The following LRP1B variants were observed in gnomAD, a reference collection of about 807,000 sequenced individuals.
The protein encoded by LRP1B is LDL receptor related protein 1B.
In LRP1B, 217 loss-of-function variants were observed where a neutral mutation model predicts 556.6. The observed-to-expected ratio is 0.39, with a 90% CI of 0.35 to 0.44. LRP1B has a LOEUF of 0.44. Ranked by LOEUF, LRP1B falls within the 20% of genes least tolerant of loss-of-function variation. The probability of loss-of-function intolerance (pLI) is 1.00; values close to 1 mark genes in which losing one functional copy is unlikely to be tolerated. For synonymous variants in LRP1B, 2,047 were observed against 1,865.8 expected (o/e 1.10, Z -2.50); for missense variants, 5,053 against 5,620.8 (o/e 0.90, Z 3.23).
intron 3 of LRP1B, among the ~76,000 whole-genome samples, chr2:141,338,475 C>CA (rs1687931385): frequency 6.6e-6 from 1 of 152,112 alleles, no homozygotes; most frequent in Non-Finnish European, 1.5e-5. Flanking sequence ...AAAAAGTGGT[C>CA]AACTACAAAC....
chr2:141,101,064 G>A (rs1377879487), intron 7 of LRP1B, among the ~76,000 whole-genome samples: 1 of 152,118 alleles, frequency 6.6e-6, no homozygotes, highest in Non-Finnish European at 1.5e-5. Context: ...ATGAGACGAA[G>A]CAATGATGTT....
intron 7 of LRP1B, among the ~76,000 whole-genome samples, chr2:141,078,167 A>G (rs929207051): frequency 6.6e-6 from 1 of 152,176 alleles, no homozygotes; most frequent in Non-Finnish European, 1.5e-5. Flanking sequence ...TCTACTGTCA[A>G]TAAGTGTATT....
Position 141,434,917 on chromosome 2 carries a change from C to T in LRP1B, c.343+45479G>A, listed in dbSNP as rs546482276. On this transcript the variant is annotated intron_variant, in intron 3 of 90. Coordinates refer to ENST00000389484, the MANE Select transcript of LRP1B (RefSeq NM_018557.3). ...CCTTTAGGTCATCCCTGGGCCAGCA[C>T]AAACCACTTATTTGTCCAATGTTGT... Among the ~76,000 whole-genome samples, 34 of 152,304 alleles carry T rather than the reference C, an allele frequency of 2.2e-4. No individual in the cohort carries two copies. In the South Asian group the frequency reaches 7.0e-3, roughly 32 times the overall value.
At chr2:142,115,507 T>TA (rs1559079413) in intron 1 of LRP1B, among the ~76,000 whole-genome samples, 1 of 88,138 alleles carries the variant, frequency 1.1e-5, no homozygotes, top group Non-Finnish European at 2.2e-5. Context: ...ATAATATATA[T>TA]TATATATTAC....
chr2:140,787,118 T>C (rs965863852), intron 32 of LRP1B, among the ~76,000 whole-genome samples: 1 of 152,232 alleles, frequency 6.6e-6, no homozygotes, highest in African/African-American at 2.4e-5. Flanking sequence ...ATTTAATACA[T>C]TTATATTAAA....
At chr2:140,492,539 G>A (rs1688746041) in intron 57 of LRP1B, 69 bp downstream of exon 57, 1 of 970,582 alleles carries the variant, frequency 1.0e-6, no homozygotes, top group East Asian at 2.5e-5. Flanking sequence ...TTGCCAGGTA[G>A]TTCTACAGCT....
intron 43 of LRP1B, among the ~76,000 whole-genome samples, chr2:140,570,280 A>G (rs2105103670): frequency 6.6e-6 from 1 of 151,528 alleles, no homozygotes; most frequent in South Asian, 2.1e-4. Context: ...TTGACAAACC[A>G]TTATCTAGGG....
At chr2:142,096,724 T>C (rs1706383485) in intron 1 of LRP1B, among the ~76,000 whole-genome samples, 1 of 151,686 alleles carries the variant, frequency 6.6e-6, no homozygotes, top group Non-Finnish European at 1.5e-5. Flanking sequence ...ATTTTATTTA[T>C]TTATTAAACT....
rs59469282 is a variant in LRP1B at position 140,872,360 on chromosome 2, AT to A, written c.4170-4098del. On this transcript the variant is annotated intron_variant, in intron 25 of 90. Transcript: ENST00000389484. ...GCTTGCTTTTGTATTGTGTCACCTG[AT>A]TTTTTTTTTTTTTTTTTTTTTTTTT... is the stretch of plus-strand genomic sequence containing the variant. Among the ~76,000 whole-genome samples, 136 of 60,476 alleles carry A rather than the reference AT, an allele frequency of 2.2e-3. 1 individual carries two copies. Among genetic ancestry groups the A allele is most frequent in the Admixed American group, 4.8e-3 (21 of 4,352 alleles). 39.7% of individuals were successfully genotyped at this position (60,476 alleles called of 152,430 possible).
At chr2:142,059,788 A>G (rs2104889603) in intron 1 of LRP1B, among the ~76,000 whole-genome samples, 1 of 152,198 alleles carries the variant, frequency 6.6e-6, no homozygotes, top group Non-Finnish European at 1.5e-5. Context: ...TAATGCATGG[A>G]CAGCATTTCA....
At chr2:141,999,636 TTTTTTC>T (rs1181179312) in intron 1 of LRP1B, among the ~76,000 whole-genome samples, 2 of 152,222 alleles carry the variant, frequency 1.3e-5, no homozygotes, top group Admixed American at 6.5e-5. Flanking sequence ...ATTTCATTAC[TTTTTTC>T]TTTTTAACTA....
rs548228758 is a variant in LRP1B, at chr2:141,463,715, A to G, written c.343+16681T>C. ...ATCTATACAATAATGAGAACCCCCT[A>G]TTGGTAGGAAACATTTGGATATCCT... On this transcript the variant is annotated intron_variant, in intron 3 of 90. Coordinates refer to ENST00000389484, the MANE Select transcript of LRP1B (RefSeq NM_018557.3). Among the ~76,000 whole-genome samples, 51 of 143,392 alleles carry G rather than the reference A, an allele frequency of 3.6e-4. 1 individual carries two copies. The South Asian group carries it at 0.011, about 30-fold the overall frequency. The allele number at this position is 143,392 out of a possible 152,430, so 94.1% of individuals were successfully genotyped here.
chr2:141,128,407 A>G (rs1354765849), intron 7 of LRP1B, among the ~76,000 whole-genome samples: 2 of 152,104 alleles, frequency 1.3e-5, no homozygotes, highest in African/African-American at 2.4e-5. Context: ...TTCATCCTGT[A>G]CTGATGTCAC....
rs74589736 is a variant in LRP1B, at chr2:140,648,935, A to G, written c.6800-47296T>C. On this transcript the variant is annotated intron_variant, in intron 41 of 90. Coordinates refer to ENST00000389484, the MANE Select transcript of LRP1B (RefSeq NM_018557.3). Reference sequence around the variant, plus strand: ...TAGAGATAGGAGCTGGAGAATGTAGATTATGATTAATGGCCAAAGAAGCAT... The same window carrying G: ...TAGAGATAGGAGCTGGAGAATGTAGGTTATGATTAATGGCCAAAGAAGCAT... 8.7e-3 allele frequency among the ~76,000 whole-genome samples: 1,325 copies of G among 152,252 alleles called. 19 individuals are homozygous for G. Among genetic ancestry groups the G allele is most frequent in the African/African-American group, 0.03 (1,232 of 41,528 alleles).
rs1050628577 is a variant in LRP1B at position 140,926,886 on chromosome 2, C to T, written c.3137-3739G>A. Among the ~76,000 whole-genome samples, 3 of 152,084 alleles carry T rather than the reference C, an allele frequency of 2.0e-5. No homozygotes were observed. The South Asian group carries it at 6.2e-4, about 32-fold the overall frequency. On this transcript the variant is annotated intron_variant, in intron 20 of 90. Transcript: ENST00000389484. The stretch of plus-strand genomic sequence containing the variant: ...TTTCTCTGAGTGTTTCTTTATCTCC[C>T]ATCCTGTGTAACTTGCATTGATATG...
intron 3 of LRP1B, among the ~76,000 whole-genome samples, chr2:141,459,591 G>C (rs1681777592): frequency 6.6e-6 from 1 of 152,034 alleles, no homozygotes; most frequent in Non-Finnish European, 1.5e-5. Flanking sequence ...GGAGGAACTC[G>C]GTGGGAAATA....
At chr2:140,327,941 A>G (rs1680577564) in intron 79 of LRP1B, among the ~76,000 whole-genome samples, 1 of 151,466 alleles carries the variant, frequency 6.6e-6, no homozygotes, top group Non-Finnish European at 1.5e-5. Flanking sequence ...CCACAAATCA[A>G]TACTTTTGAT....
At chr2:141,150,915 T>TGTGTGTGTGTG (rs1558894876) in intron 7 of LRP1B, among the ~76,000 whole-genome samples, 2 of 52,350 alleles carry the variant, frequency 3.8e-5, no homozygotes, top group Non-Finnish European at 6.0e-5. Flanking sequence ...GTGTGTGTGT[T>TGTGTGTGTGTG]TGCCATGCTA....
intron 49 of LRP1B, among the ~76,000 whole-genome samples, chr2:140,520,006 A>G (rs1690089499): frequency 6.6e-6 from 1 of 152,072 alleles, no homozygotes; most frequent in South Asian, 2.1e-4. Context: ...ATGCTTTTAC[A>G]CTGTTTTTGG....
Sources: allele counts gnomAD v4.1 joint callset (sites outside exome capture counted in the v4.1 genomes callset), GRCh38; gene constraint gnomAD v4.1.1; transcripts MANE v1.5; gene names NCBI Gene and HGNC (gene_info 2026-07-23, HGNC 2026-07-21).